SRBD1: variants seen among roughly 807,000 people sequenced by gnomAD.
SRBD1 encodes S1 RNA binding domain 1, also known as S1 RNA-binding domain-containing protein 1.
Under a neutral mutation model 115.3 loss-of-function variants are expected in SRBD1, and 88 were observed. The observed-to-expected ratio is 0.76, with a 90% CI of 0.64 to 0.91. SRBD1 has a LOEUF of 0.91. Ranked by LOEUF, SRBD1 falls within the 40% of genes least tolerant of loss-of-function variation. The pLI is 0.00. For missense variants in SRBD1, 1,385 were observed against 1,177.4 expected (o/e 1.18, Z -2.58); for synonymous variants, 509 against 407.7 (o/e 1.25, Z -2.99).
intron 14 of SRBD1, among the ~76,000 whole-genome samples, chr2:45,527,283 T>C (rs1180004228): frequency 6.6e-6 from 1 of 152,044 alleles, no homozygotes; most frequent in African/African-American, 2.4e-5. Flanking sequence ...ACAATGATGA[T>C]TCTTCCTACC....
chr2:45,488,265 C>G lies in SRBD1; in HGVS notation c.1941G>C (p.Gly647=). The G allele has an allele frequency of 6.2e-7, 1 of 1,613,934 alleles. No individual in the cohort carries two copies. The highest frequency in any genetic ancestry group is 8.5e-7 in the Non-Finnish European group (1 of 1,179,924). Residue 647 remains glycine, a synonymous_variant, in exon 15 of 21, where the codon GGG becomes GGC. Transcript: ENST00000263736. Reference sequence around the variant, plus strand: ...CTGCACTTCTCAAATTAGGGTCCAGCCCTGGCATCTCTTTGTTAGCTTCAG... The same window carrying G: ...CTGCACTTCTCAAATTAGGGTCCAGGCCTGGCATCTCTTTGTTAGCTTCAG... The part of the protein sequence containing the change: ...VSPEANKEMP[G]LDPNLRSAVS...
In SRBD1 at chr2:45,514,776, T is replaced by C. The variant is rs531956925; in HGVS notation, c.1875-26445A>G. ...ACACCTATTTTCATCCCAGTCTCTC[T>C]GGAATAAATACTTTTGAAAGTGTTC... On this transcript the variant is annotated intron_variant, in intron 14 of 20. Coordinates refer to ENST00000263736, the MANE Select transcript of SRBD1 (RefSeq NM_018079.5). Among the ~76,000 whole-genome samples, 6 of 152,310 alleles carry C rather than the reference T, an allele frequency of 3.9e-5. No homozygotes were observed. In the South Asian group the frequency reaches 1.2e-3, roughly 32 times the overall value.
intron 16 of SRBD1, among the ~76,000 whole-genome samples, chr2:45,435,578 A>C (rs888090979): frequency 6.6e-6 from 1 of 151,468 alleles, no homozygotes; most frequent in Admixed American, 6.6e-5. Context: ...AAAAACAAAA[A>C]AAAAAAACAG....
intron 14 of SRBD1, among the ~76,000 whole-genome samples, chr2:45,539,424 C>T (rs1417815786): frequency 6.6e-6 from 1 of 151,984 alleles, no homozygotes; most frequent in Non-Finnish European, 1.5e-5. Flanking sequence ...CAAAAGATCC[C>T]CCACCTACTC....
chr2:45,415,834 A>G (rs545712152), intron 18 of SRBD1, among the ~76,000 whole-genome samples: 1 of 148,386 alleles, frequency 6.7e-6, no homozygotes, highest in Admixed American at 6.8e-5. Context: ...TGAAACTAAA[A>G]TCCCAGATCA....
chr2:45,467,314 G>A (rs368312888), intron 16 of SRBD1, among the ~76,000 whole-genome samples: 20 of 152,208 alleles, frequency 1.3e-4, no homozygotes, highest in African/African-American at 4.8e-4. Flanking sequence ...ATGTAGCCTA[G>A]GTATTTTTAA....
intron 14 of SRBD1, among the ~76,000 whole-genome samples, chr2:45,493,401 T>C (rs1171476343): frequency 6.6e-6 from 1 of 152,224 alleles, no homozygotes; most frequent in Non-Finnish European, 1.5e-5. Flanking sequence ...TGAGATTTAA[T>C]GCTTAAAGGG....
chr2:45,562,629 T>G, intron 10 of SRBD1, 24 bp downstream of exon 10: 1 of 1,531,500 alleles, frequency 6.5e-7, no homozygotes, highest in Non-Finnish European at 8.8e-7. Flanking sequence ...ACAAAGAAAA[T>G]TCTGTAAATA....
chr2:45,503,878 T>A (rs1453280810), intron 14 of SRBD1, among the ~76,000 whole-genome samples: 1 of 152,142 alleles, frequency 6.6e-6, no homozygotes, highest in Non-Finnish European at 1.5e-5. Flanking sequence ...ATATATTCTG[T>A]AATTCTATGG....
chr2:45,515,219 T>C (rs1443579527), intron 14 of SRBD1, among the ~76,000 whole-genome samples: 1 of 152,184 alleles, frequency 6.6e-6, no homozygotes, highest in Non-Finnish European at 1.5e-5. Flanking sequence ...GCAGTTTCTA[T>C]GGTCAGACAC....
chr2:45,543,677 A>G (rs1672018897), intron 14 of SRBD1, among the ~76,000 whole-genome samples: 1 of 152,246 alleles, frequency 6.6e-6, no homozygotes, highest in Admixed American at 6.5e-5. Flanking sequence ...AAATGAAATT[A>G]AACAGCTGAT....
At chr2:45,569,456 GT>G (rs1206053193) in intron 9 of SRBD1, 1 of 152,174 alleles carries the variant, frequency 6.6e-6, no homozygotes, top group African/African-American at 2.4e-5. Flanking sequence ...AGGGTCCTGA[GT>G]AGCTGGGACT....
At chr2:45,548,398 T>A (rs1395678643) in intron 12 of SRBD1, among the ~76,000 whole-genome samples, 1 of 151,896 alleles carries the variant, frequency 6.6e-6, no homozygotes, top group Non-Finnish European at 1.5e-5. Flanking sequence ...AAAGAAGATA[T>A]AACTAGAGAT....
At chr2:45,413,324 G>A (rs780874094) in intron 18 of SRBD1, 31 bp from the exon 19 acceptor site, 1 of 1,593,804 alleles carries the variant, frequency 6.3e-7, no homozygotes, top group Non-Finnish European at 8.5e-7. Flanking sequence ...CCACATTTAT[G>A]AAAAGGGGAA....
chr2:45,556,353 T>A (rs901004569), intron 10 of SRBD1, among the ~76,000 whole-genome samples: 2 of 151,394 alleles, frequency 1.3e-5, no homozygotes, highest in African/African-American at 4.8e-5. Context: ...GAAATAAATG[T>A]TAAAGATATG....
intron 16 of SRBD1, among the ~76,000 whole-genome samples, chr2:45,442,432 T>C (rs778191146): frequency 1.3e-5 from 2 of 152,230 alleles, no homozygotes; most frequent in Non-Finnish European, 2.9e-5. Flanking sequence ...TCTCCCGTTC[T>C]GGGAGAATTA....
chr2:45,467,518 G>T (rs1458558505), intron 16 of SRBD1, among the ~76,000 whole-genome samples: 1 of 152,096 alleles, frequency 6.6e-6, no homozygotes, highest in Non-Finnish European at 1.5e-5. Flanking sequence ...CTAGAAATTT[G>T]GCAGTCTACA....
chr2:45,585,001 T>C (rs567815542), intron 5 of SRBD1, among the ~76,000 whole-genome samples: 2 of 152,020 alleles, frequency 1.3e-5, no homozygotes, highest in African/African-American at 4.8e-5. Flanking sequence ...AAATACAAAA[T>C]TAGTGGGGCG....
intron 16 of SRBD1, among the ~76,000 whole-genome samples, chr2:45,440,687 G>GA (rs1668639566): frequency 6.6e-6 from 1 of 152,078 alleles, no homozygotes; most frequent in South Asian, 2.1e-4. Flanking sequence ...GTGGACTTTA[G>GA]AAAAATCAAG....
Sources: gnomAD v4.1 joint callset for allele counts (sites outside exome capture counted in the v4.1 genomes callset) on GRCh38, gnomAD v4.1.1 for gene constraint, MANE v1.5 for transcripts, NCBI Gene and HGNC (gene_info 2026-07-23, HGNC 2026-07-21) for gene names.